Variants in SDK1 observed in about 807,000 individuals in gnomAD.
SDK1 encodes sidekick cell adhesion molecule 1.
In SDK1, 157 loss-of-function variants were observed where a neutral mutation model predicts 245.5. That is an observed-to-expected ratio of 0.64 (90% CI 0.56 to 0.73). SDK1 has a LOEUF of 0.73. Among genes scored for constraint, SDK1 ranks in the 30% least tolerant of loss-of-function variants. The pLI, the probability that SDK1 is intolerant of heterozygous loss-of-function variation, is 0.00. For synonymous variants in SDK1, 1,647 were observed against 1,278.5 expected, an observed-to-expected ratio of 1.29 and a Z score of -6.15; for missense variants, 3,583 against 3,002.3, an observed-to-expected ratio of 1.19 and a Z score of -4.52.
At chr7:3,436,586 A>T (rs1780029116) in intron 1 of SDK1, among the ~76,000 whole-genome samples, 1 of 152,238 alleles carries the variant, frequency 6.6e-6, no homozygotes, top group African/African-American at 2.4e-5. Flanking sequence ...AATTTTAAAT[A>T]GAAAATGAAA....
At position 3,473,423 on chromosome 7, in the gene SDK1, T is replaced by C. The variant is rs1183985089; in HGVS notation, c.299-145657T>C. On this transcript the variant is annotated intron_variant, in intron 1 of 44. Transcript: ENST00000404826. ...TATAGATTTACTTCTTCAATAATCC[T>C]TGTAGATGTGTGTTTAGTGTATTGT... Among the ~76,000 whole-genome samples, 8 of 152,358 alleles carry C rather than the reference T, an allele frequency of 5.3e-5. No individual in the cohort carries two copies. The East Asian group carries it at 1.5e-3, about 29-fold the overall frequency.
chr7:3,614,815 C>T (rs1781717261), intron 1 of SDK1, among the ~76,000 whole-genome samples: 1 of 151,842 alleles, frequency 6.6e-6, no homozygotes, highest in African/African-American at 2.4e-5. Flanking sequence ...TTCCCTTCTC[C>T]TTATAATGAA....
chr7:3,359,996 ATT>A (rs1306722851), intron 1 of SDK1, among the ~76,000 whole-genome samples: 1 of 152,170 alleles, frequency 6.6e-6, no homozygotes, highest in East Asian at 1.9e-4. Context: ...TAAGCAAAAT[ATT>A]ACAACACTTT....
chr7:3,579,456 C>T (rs1780412739), intron 1 of SDK1, among the ~76,000 whole-genome samples: 1 of 152,196 alleles, frequency 6.6e-6, no homozygotes, highest in African/African-American at 2.4e-5. Flanking sequence ...GCAGAAAAGG[C>T]TTTTGATAAA....
intron 1 of SDK1, among the ~76,000 whole-genome samples, chr7:3,592,934 C>T (rs1461144108): frequency 6.6e-6 from 1 of 152,200 alleles, no homozygotes; most frequent in Non-Finnish European, 1.5e-5. Context: ...CTCCTGCCCT[C>T]TGCAGGCTTG....
chr7:4,204,059 C>G (rs1272293673), intron 35 of SDK1, among the ~76,000 whole-genome samples: 2 of 152,198 alleles, frequency 1.3e-5, no homozygotes, highest in African/African-American at 4.8e-5. Context: ...CTGTCGTGGG[C>G]GCGCTGAGTT....
At chr7:3,797,756 A>G (rs886969023) in intron 4 of SDK1, among the ~76,000 whole-genome samples, 1 of 152,134 alleles carries the variant, frequency 6.6e-6, no homozygotes, top group East Asian at 1.9e-4. Flanking sequence ...TTAAATGGCT[A>G]GTGAATGGTT....
At chr7:3,845,620 C>G (rs994647794) in intron 5 of SDK1, among the ~76,000 whole-genome samples, 1 of 151,488 alleles carries the variant, frequency 6.6e-6, no homozygotes, top group East Asian at 1.9e-4. Flanking sequence ...CTAAAAGCCA[C>G]TCTTGGCTCA....
At chr7:3,379,585 A>G in intron 1 of SDK1, among the ~76,000 whole-genome samples, 1 of 152,138 alleles carries the variant, frequency 6.6e-6, no homozygotes, top group East Asian at 1.9e-4. Context: ...GTTCATTTTC[A>G]TTCTGTATTT....
chr7:4,138,210 C>G (rs1048980856), intron 28 of SDK1, among the ~76,000 whole-genome samples: 1 of 152,172 alleles, frequency 6.6e-6, no homozygotes, highest in Non-Finnish European at 1.5e-5. Flanking sequence ...CATTGTCTCA[C>G]TGGGGCTTTG....
intron 1 of SDK1, among the ~76,000 whole-genome samples, chr7:3,392,809 GAAT>G (rs1781792320): frequency 6.6e-6 from 1 of 151,920 alleles, no homozygotes; most frequent in South Asian, 2.1e-4. Flanking sequence ...TTTTTTGGCT[GAAT>G]AATAATATTC....
intron 5 of SDK1, among the ~76,000 whole-genome samples, chr7:3,846,732 C>T (rs1220516765): frequency 6.6e-6 from 1 of 152,216 alleles, no homozygotes; most frequent in Non-Finnish European, 1.5e-5. Flanking sequence ...TTATCTGGAA[C>T]CCTGTGAGCA....
At chr7:3,356,433 C>T (rs6947525) in intron 1 of SDK1, among the ~76,000 whole-genome samples, 1 of 151,870 alleles carries the variant, frequency 6.6e-6, no homozygotes, top group African/African-American at 2.4e-5. Context: ...TGTTCCATGA[C>T]CTTATCCCCA....
intron 1 of SDK1, among the ~76,000 whole-genome samples, chr7:3,534,560 T>C (rs1778816764): frequency 6.6e-6 from 1 of 152,164 alleles, no homozygotes; most frequent in Non-Finnish European, 1.5e-5. Flanking sequence ...TTTTTTTTGG[T>C]GGTCCCATCC....
At chr7:3,819,605 A>G (rs188852274) in intron 4 of SDK1, among the ~76,000 whole-genome samples, 4 of 152,088 alleles carry the variant, frequency 2.6e-5, no homozygotes, top group Non-Finnish European at 5.9e-5. Context: ...AACAATTTCT[A>G]TGGTTCTATA....
At chr7:4,113,548 A>G in intron 24 of SDK1, 109 bp downstream of exon 24, 1 of 1,258,330 alleles carries the variant, frequency 7.9e-7, no homozygotes, top group Non-Finnish European at 1.1e-6. Flanking sequence ...GTCCTAGTCA[A>G]AACTAATCTC....
At chr7:4,172,837 C>T (rs1781935708) in intron 32 of SDK1, among the ~76,000 whole-genome samples, 1 of 152,164 alleles carries the variant, frequency 6.6e-6, no homozygotes, top group Admixed American at 6.5e-5. Context: ...GGTGTTCCCC[C>T]TGTGTGTCCT....
chr7:3,565,669 C>T (rs538960369), intron 1 of SDK1, among the ~76,000 whole-genome samples: 2 of 152,292 alleles, frequency 1.3e-5, no homozygotes, highest in African/African-American at 2.4e-5. Flanking sequence ...GCTCAAATCC[C>T]TGACTTAAAA....
intron 28 of SDK1, among the ~76,000 whole-genome samples, chr7:4,136,735 A>G (rs1432578259): frequency 6.6e-6 from 1 of 152,234 alleles, no homozygotes; most frequent in Non-Finnish European, 1.5e-5. Context: ...TGCCCTGGCC[A>G]GACACGCGGG....
Sources: gnomAD v4.1 joint callset for allele counts (sites outside exome capture counted in the v4.1 genomes callset) on GRCh38, gnomAD v4.1.1 for gene constraint, MANE v1.5 for transcripts, NCBI Gene and HGNC (gene_info 2026-07-23, HGNC 2026-07-21) for gene names.